The following L3HYPDH variants were observed in gnomAD, a reference collection of about 807,000 sequenced individuals.
The protein encoded by L3HYPDH is trans-3-hydroxy-L-proline dehydratase.
L3HYPDH carries 32 observed loss-of-function variants against 26.5 expected under a neutral mutation model. The observed-to-expected ratio is 1.21, with a 90% CI of 0.91 to 1.62. L3HYPDH has a LOEUF of 1.62. Ranked by LOEUF, L3HYPDH falls within the 40% of genes most tolerant of loss-of-function variation. L3HYPDH has a pLI of 0.00. For missense variants in L3HYPDH, 554 were observed against 476.4 expected (o/e 1.16, Z -1.52); for synonymous variants, 215 against 196.6 (o/e 1.09, Z -0.78).
the L3HYPDH span, among the ~76,000 whole-genome samples, chr14:59,503,019 A>G: frequency 6.6e-6 from 1 of 151,934 alleles, no homozygotes; most frequent in African/African-American, 2.4e-5. Context: ...CAGTGCTGAG[A>G]TTACAGGGGT....
At chr14:59,487,057 G>T (rs1230878291), upstream of L3HYPDH, 1 of 312,762 alleles carries the variant, frequency 3.2e-6, no homozygotes, top group African/African-American at 2.2e-5. Context: ...AAAAAAATTA[G>T]CTGGGCATAG....
At chr14:59,467,378 G>C (rs2139789120) in intron 1 of L3HYPDH, among the ~76,000 whole-genome samples, 1 of 152,320 alleles carries the variant, frequency 6.6e-6, no homozygotes, top group East Asian at 1.9e-4. Context: ...TGTAGGCCAT[G>C]CTCTGGAGAC....
upstream of L3HYPDH, among the ~76,000 whole-genome samples, chr14:59,488,042 C>G (rs1452512813): frequency 2.6e-5 from 4 of 152,114 alleles, no homozygotes. Context: ...GTTTTACTCT[C>G]AGTGATCTTG....
At chr14:59,498,626 CT>C in the L3HYPDH span, 24 of 681,170 alleles carry the variant, frequency 3.5e-5, no homozygotes, top group Admixed American at 6.3e-5. Flanking sequence ...AGTAAATATG[CT>C]TTTTAAACCT....
At chr14:59,476,054 T>C (rs746854388) in intron 3 of L3HYPDH, 38 bp downstream of exon 3, 2 of 1,613,806 alleles carry the variant, frequency 1.2e-6, no homozygotes, top group South Asian at 2.2e-5. Flanking sequence ...TGTTCCATAT[T>C]ACCTGGCTTT....
At chr14:59,474,172 T>C (rs1051303341) in intron 4 of L3HYPDH, among the ~76,000 whole-genome samples, 3 of 152,166 alleles carry the variant, frequency 2.0e-5, no homozygotes, top group Non-Finnish European at 1.5e-5. Flanking sequence ...GTATGTCCAC[T>C]GCTTGAACCC....
At chr14:59,501,445 A>G in the L3HYPDH span, among the ~76,000 whole-genome samples, 1 of 152,188 alleles carries the variant, frequency 6.6e-6, no homozygotes, top group Admixed American at 6.5e-5. Flanking sequence ...ACTGGACTAT[A>G]TATTTCCCTG....
At chr14:59,496,818 C>G in the L3HYPDH span, among the ~76,000 whole-genome samples, 3 of 152,112 alleles carry the variant, frequency 2.0e-5, no homozygotes, top group Non-Finnish European at 2.9e-5. Context: ...AACAGCTTGC[C>G]TGCCTTGTTT....
chr14:59,479,627 A>T (rs1392929256), intron 1 of L3HYPDH, among the ~76,000 whole-genome samples: 3 of 152,160 alleles, frequency 2.0e-5, no homozygotes, highest in African/African-American at 7.2e-5. Context: ...TTCCCTGAGG[A>T]TCTTTTCTAG....
downstream of L3HYPDH, among the ~76,000 whole-genome samples, chr14:59,470,306 C>G (rs367711660): frequency 6.6e-4 from 101 of 152,274 alleles, no homozygotes; most frequent in African/African-American, 2.4e-3. Flanking sequence ...TAGAAATGCC[C>G]CACCCCGTGT....
downstream of L3HYPDH, among the ~76,000 whole-genome samples, chr14:59,471,433 TG>T (rs1889309745): frequency 6.6e-6 from 1 of 152,104 alleles, no homozygotes; most frequent in East Asian, 1.9e-4. Flanking sequence ...CTCCCTTAAA[TG>T]TATAAATGGG....
Position 59,484,382 on chromosome 14 carries a change from G to C in L3HYPDH, c.-66C>G, listed in dbSNP as rs1408539725. 7.4e-6 allele frequency: 11 copies of C among 1,488,296 alleles called. No homozygotes were observed. The highest frequency in any genetic ancestry group is 1.0e-5 in the Non-Finnish European group (11 of 1,105,232). 92.2% of individuals were successfully genotyped at this position (1,488,296 alleles called of 1,614,324 possible). A position where few individuals can be genotyped will look rare whatever the true frequency, so the allele number is the denominator to read the frequency against. Reference sequence around the variant, plus strand: ...GCTTCAAGCCCGACCCTCACCCACTGACTCCGCGGGAGGAGGGCGGGACGC... The same window carrying C: ...GCTTCAAGCCCGACCCTCACCCACTCACTCCGCGGGAGGAGGGCGGGACGC... On this transcript the variant is annotated 5_prime_UTR_variant, in exon 1 of 5. Transcript: ENST00000247194.
At chr14:59,485,729 T>C (rs572609439), upstream of L3HYPDH, 2 of 152,698 alleles carry the variant, frequency 1.3e-5, no homozygotes, top group East Asian at 3.8e-4. Flanking sequence ...GCGATTCTCC[T>C]GCCTCAGCCT....
At chr14:59,503,797 G>T in the L3HYPDH span, 1 of 1,023,584 alleles carries the variant, frequency 9.8e-7, no homozygotes, top group Non-Finnish European at 1.5e-6. Context: ...AAATTACCCA[G>T]CTGACTTAGC....
downstream of L3HYPDH, among the ~76,000 whole-genome samples, chr14:59,467,668 G>A (rs560739341): frequency 1.6e-4 from 24 of 152,178 alleles, no homozygotes; most frequent in East Asian, 4.6e-3. Context: ...AATTATGTCT[G>A]TGGCCCCAAC....
rs147368971 is a variant in L3HYPDH, at chr14:59,477,029, T to C, written c.679-815A>G. 2.6e-5 allele frequency among the ~76,000 whole-genome samples: 4 copies of C among 152,330 alleles called. No individual in the cohort carries two copies. The East Asian group carries it at 7.7e-4, about 29-fold the overall frequency. ...TCCAGTTACATGTCATTTAAAGCAA[T>C]GGAACAGCTTTGGGTTCTTAACATC... On this transcript the variant is annotated intron_variant, in intron 2 of 4. Coordinates refer to ENST00000247194, the MANE Select transcript of L3HYPDH (RefSeq NM_144581.2).
chr14:59,504,160 CAT>C, the L3HYPDH span: 3 of 741,098 alleles, frequency 4.0e-6, no homozygotes, highest in African/African-American at 5.3e-5. Context: ...ACTATTCTAT[CAT>C]ATATGGGAAC....
downstream of L3HYPDH, among the ~76,000 whole-genome samples, chr14:59,469,386 C>A (rs1036279491): frequency 6.6e-6 from 1 of 151,784 alleles, no homozygotes; most frequent in Admixed American, 6.6e-5. Flanking sequence ...AATCCCGTCT[C>A]TACTAAAAAT....
chr14:59,480,752 A>G (rs187820340), intron 1 of L3HYPDH, among the ~76,000 whole-genome samples: 109 of 152,378 alleles, frequency 7.2e-4, no homozygotes, highest in African/African-American at 2.0e-3. Flanking sequence ...TAATCAAAAG[A>G]GTAAAACATG....
Sources: allele counts gnomAD v4.1 joint callset (sites outside exome capture counted in the v4.1 genomes callset), GRCh38; gene constraint gnomAD v4.1.1; transcripts MANE v1.5; gene names NCBI Gene and HGNC (gene_info 2026-07-23, HGNC 2026-07-21).